The following RORA variants were observed in gnomAD, a reference collection of about 807,000 sequenced individuals.
RORA encodes RAR related orphan receptor A, also known as nuclear receptor ROR-alpha.
Under a neutral mutation model 69.5 loss-of-function variants are expected in RORA, and 7 were observed. The ratio of observed to expected loss-of-function variants is 0.10; its 90% CI spans 0.06 to 0.19. The LOEUF is 0.19. Ranked by LOEUF, RORA falls within the 10% of genes least tolerant of loss-of-function variation. The probability of loss-of-function intolerance (pLI) is 1.00; values close to 1 mark genes in which losing one functional copy is unlikely to be tolerated. For missense variants in RORA, 457 were observed against 663.0 expected (o/e 0.69, Z 3.41); for synonymous variants, 261 against 240.8 (o/e 1.08, Z -0.78).
chr15:60,820,845 C>T (rs1365163769), intron 1 of RORA, among the ~76,000 whole-genome samples: 1 of 152,216 alleles, frequency 6.6e-6, no homozygotes, highest in African/African-American at 2.4e-5. Flanking sequence ...TCACAGACTA[C>T]AGATGAGAGA....
intron 2 of RORA, among the ~76,000 whole-genome samples, chr15:60,607,403 A>G (rs1283437282): frequency 6.6e-6 from 1 of 152,228 alleles, no homozygotes; most frequent in East Asian, 1.9e-4. Context: ...TACGCTGCAG[A>G]AAATTAATTT....
chr15:61,072,385 T>G (rs1478305388), intron 1 of RORA, among the ~76,000 whole-genome samples: 1 of 152,180 alleles, frequency 6.6e-6, no homozygotes, highest in Non-Finnish European at 1.5e-5. Context: ...TGGGATAATA[T>G]CCAGAGTGAT....
intron 2 of RORA, among the ~76,000 whole-genome samples, chr15:60,675,598 G>C (rs2070540908): frequency 6.6e-6 from 1 of 152,178 alleles, no homozygotes; most frequent in Admixed American, 6.5e-5. Flanking sequence ...AGAAGCTTAG[G>C]AGAAACTGAG....
chr15:60,648,638 A>G (rs1308736549), intron 2 of RORA, among the ~76,000 whole-genome samples: 1 of 152,230 alleles, frequency 6.6e-6, no homozygotes, highest in Non-Finnish European at 1.5e-5. Flanking sequence ...ATGAAATCTG[A>G]TCTTAACAAT....
chr15:60,591,837 C>T (rs778167511), intron 2 of RORA, among the ~76,000 whole-genome samples: 4 of 151,916 alleles, frequency 2.6e-5, no homozygotes, highest in Non-Finnish European at 5.9e-5. Context: ...CGGCACTTGC[C>T]CGGCCGGCGG....
intron 1 of RORA, among the ~76,000 whole-genome samples, chr15:60,820,665 G>A (rs2072882210): frequency 6.6e-6 from 1 of 152,094 alleles, no homozygotes; most frequent in Non-Finnish European, 1.5e-5. Flanking sequence ...GCAGGTGAAT[G>A]GGTCCTTCAG....
At chr15:61,146,191 T>A (rs1188797673) in intron 1 of RORA, among the ~76,000 whole-genome samples, 1 of 152,196 alleles carries the variant, frequency 6.6e-6, no homozygotes, top group Non-Finnish European at 1.5e-5. Context: ...TAGATAGTGT[T>A]GCTGTTATCC....
intron 1 of RORA, among the ~76,000 whole-genome samples, chr15:60,986,980 T>C (rs1165685012): frequency 2.0e-5 from 3 of 152,228 alleles, no homozygotes; most frequent in Non-Finnish European, 4.4e-5. Flanking sequence ...TTTCTTTGCC[T>C]GTCCTCCACT....
At chr15:61,149,847 G>A (rs1424442833) in intron 1 of RORA, among the ~76,000 whole-genome samples, 2 of 152,220 alleles carry the variant, frequency 1.3e-5, no homozygotes, top group African/African-American at 4.8e-5. Flanking sequence ...TCATAGCCAT[G>A]TGACTTCAGA....
At chr15:61,228,416 C>A (rs1389197434) in intron 1 of RORA, among the ~76,000 whole-genome samples, 1 of 152,034 alleles carries the variant, frequency 6.6e-6, no homozygotes, top group Non-Finnish European at 1.5e-5. Context: ...TCCTTCGGCC[C>A]TTCCTTCAAA....
chr15:61,161,244 C>G (rs374923359), intron 1 of RORA, among the ~76,000 whole-genome samples: 3 of 152,188 alleles, frequency 2.0e-5, no homozygotes, highest in Admixed American at 2.0e-4. Context: ...TGTGGACTAT[C>G]TTTCTGAATT....
At chr15:60,724,949 C>T (rs918109696) in intron 1 of RORA, among the ~76,000 whole-genome samples, 1 of 152,174 alleles carries the variant, frequency 6.6e-6, no homozygotes, top group Non-Finnish European at 1.5e-5. Flanking sequence ...GCTTCATCTG[C>T]CTATGTTTGG....
rs150969581 is a variant in RORA, at chr15:60,698,432, T to G, written c.167-19746A>C. Among the ~76,000 whole-genome samples, 177 of 152,278 alleles carry G rather than the reference T, an allele frequency of 1.2e-3. 2 individuals are homozygous for G. The highest frequency in any genetic ancestry group is 4.0e-3 in the African/African-American group (168 of 41,556). On this transcript the variant is annotated intron_variant, in intron 1 of 10. Transcript: ENST00000335670. The stretch of plus-strand genomic sequence containing the variant: ...TTTCTTAAGAAGGATACATTATGAT[T>G]TAAATACTGAAAATACTATATATTC...
chr15:60,894,767 G>A (rs1442474749), intron 1 of RORA, among the ~76,000 whole-genome samples: 1 of 152,146 alleles, frequency 6.6e-6, no homozygotes, highest in Non-Finnish European at 1.5e-5. Flanking sequence ...CCATGCTTTG[G>A]GAACCTCTGG....
At chr15:60,712,065 T>C (rs1355023225) in intron 1 of RORA, among the ~76,000 whole-genome samples, 1 of 152,238 alleles carries the variant, frequency 6.6e-6, no homozygotes, top group Admixed American at 6.5e-5. Flanking sequence ...TGTATTTTTC[T>C]TCTATGAATA....
At chr15:60,767,561 G>C (rs2072009490) in intron 1 of RORA, among the ~76,000 whole-genome samples, 1 of 152,162 alleles carries the variant, frequency 6.6e-6, no homozygotes, top group Non-Finnish European at 1.5e-5. Context: ...AGGCAAGAAA[G>C]TCCCCAGGAA....
At position 60,497,285 on chromosome 15, in the gene RORA, T is replaced by G. The variant is rs201434732; in HGVS notation, c.*170A>C. 1 of 562,566 alleles carries G rather than the reference T, an allele frequency of 1.8e-6. No homozygotes were observed. Among genetic ancestry groups the G allele is most frequent in the Non-Finnish European group, 3.1e-6 (1 of 322,286 alleles). The allele number at this position is 562,566 out of a possible 1,614,324, so 34.8% of individuals were successfully genotyped here. On this transcript the variant is annotated 3_prime_UTR_variant, in exon 11 of 11. Transcript: ENST00000335670. ...TGCATGAGAAAAACAAGTTCAACTT[T>G]TATTTGTTTTCATTGTTTCCCCTCC...
chr15:61,059,935 C>G (rs59905662), intron 1 of RORA, among the ~76,000 whole-genome samples: 7,997 of 84,122 alleles, frequency 0.095, 621 homozygotes, highest in Non-Finnish European at 0.11. Context: ...AGAAGAAGAA[C>G]AAGAAGAAGA....
chr15:60,754,780 A>G (rs1567179195), intron 1 of RORA, among the ~76,000 whole-genome samples: 1 of 152,158 alleles, frequency 6.6e-6, no homozygotes, highest in African/African-American at 2.4e-5. Flanking sequence ...GGACCCAGAG[A>G]GGGCAAATGA....
Sources: gnomAD v4.1 joint callset for allele counts (sites outside exome capture counted in the v4.1 genomes callset) on GRCh38, gnomAD v4.1.1 for gene constraint, MANE v1.5 for transcripts, NCBI Gene and HGNC (gene_info 2026-07-23, HGNC 2026-07-21) for gene names.